The following RARB variants were observed in gnomAD, a reference collection of about 807,000 sequenced individuals.
RARB encodes HBV-activated protein.
RARB carries 17 observed loss-of-function variants against 51.9 expected under a neutral mutation model. That is an observed-to-expected ratio of 0.33 (90% CI 0.22 to 0.49). RARB has a LOEUF of 0.49. RARB is among the 20% of genes least tolerant of loss of function. The pLI, the probability that RARB is intolerant of heterozygous loss-of-function variation, is 0.99. For missense variants in RARB, 369 were observed against 550.8 expected, an observed-to-expected ratio of 0.67 and a Z score of 3.30; for synonymous variants, 215 against 195.4, an observed-to-expected ratio of 1.10 and a Z score of -0.84.
At chr3:25,222,204 T>G (rs564145592) in intron 5 of RARB, among the ~76,000 whole-genome samples, 5 of 152,318 alleles carry the variant, frequency 3.3e-5, no homozygotes, top group Admixed American at 2.6e-4. Context: ...GGCAGATATA[T>G]GATGACTGCA....
chr3:25,135,547 GTGT>G (rs1559479154), intron 4 of RARB, among the ~76,000 whole-genome samples: 2 of 151,982 alleles, frequency 1.3e-5, no homozygotes, highest in African/African-American at 4.8e-5. Flanking sequence ...TAATGTCAAA[GTGT>G]TGTTCTCAGC....
chr3:24,913,206 G>C (rs140502250), intron 2 of RARB, among the ~76,000 whole-genome samples: 4 of 151,298 alleles, frequency 2.6e-5, no homozygotes, highest in South Asian at 2.1e-4. Context: ...CGATGGTCTC[G>C]ATCTCCTGAC....
chr3:25,024,417 A>G (rs985885499), intron 2 of RARB, among the ~76,000 whole-genome samples: 9 of 152,346 alleles, frequency 5.9e-5, no homozygotes, highest in South Asian at 4.1e-4. Context: ...TCTAATTCAT[A>G]TAAACTGACA....
chr3:24,880,202 AT>A (rs1329512881), intron 2 of RARB, among the ~76,000 whole-genome samples: 41 of 147,330 alleles, frequency 2.8e-4, no homozygotes, highest in African/African-American at 6.2e-4. Context: ...TGGCAACTGC[AT>A]TTTTTTTTTC....
chr3:24,878,124 G>T (rs1240527106), intron 2 of RARB, among the ~76,000 whole-genome samples: 1 of 151,992 alleles, frequency 6.6e-6, no homozygotes, highest in Non-Finnish European at 1.5e-5. Context: ...GAATTGTGTT[G>T]TCTTAATGAA....
At chr3:25,336,821 A>G (rs761260766) in intron 5 of RARB, among the ~76,000 whole-genome samples, 1 of 152,090 alleles carries the variant, frequency 6.6e-6, no homozygotes, top group East Asian at 1.9e-4. Flanking sequence ...TATGTTCAGG[A>G]TGAGAGAGTG....
chr3:25,168,091 T>C (rs1700587355), intron 4 of RARB, among the ~76,000 whole-genome samples: 1 of 152,172 alleles, frequency 6.6e-6, no homozygotes, highest in South Asian at 2.1e-4. Flanking sequence ...GACTAGAGAA[T>C]TTGGCAGACA....
intron 5 of RARB, among the ~76,000 whole-genome samples, chr3:25,274,316 A>G (rs1703326435): frequency 6.6e-6 from 1 of 152,200 alleles, no homozygotes; most frequent in African/African-American, 2.4e-5. Context: ...GGGACCGTTC[A>G]AGTGCTCAGC....
At chr3:25,418,841 A>C (rs912179363) in intron 5 of RARB, among the ~76,000 whole-genome samples, 2 of 152,080 alleles carry the variant, frequency 1.3e-5, no homozygotes, top group African/African-American at 4.8e-5. Context: ...AGTTAGGGTG[A>C]TAAGATAACA....
intron 2 of RARB, among the ~76,000 whole-genome samples, chr3:25,023,004 A>C (rs1325759295): frequency 6.6e-6 from 1 of 152,158 alleles, no homozygotes; most frequent in African/African-American, 2.4e-5. Flanking sequence ...TGCCCAAATC[A>C]CTTTAGCTGC....
chr3:25,022,516 A>G (rs1697659421), intron 2 of RARB, among the ~76,000 whole-genome samples: 1 of 152,194 alleles, frequency 6.6e-6, no homozygotes, highest in Non-Finnish European at 1.5e-5. Flanking sequence ...ACTCTGGTCA[A>G]ACTATTCCAA....
rs569346842 is a variant in RARB at position 25,320,100 on chromosome 3, G to A, written c.179-141093G>A. ...TGCATCAGTCTAGACCAAGGCAAGC[G>A]CTGCTAAGGAACCTCTGACCCCAAA... On this transcript the variant is annotated intron_variant, in intron 5 of 11. Coordinates refer to the RARB transcript ENST00000383772. 1.0e-4 allele frequency among the ~76,000 whole-genome samples: 15 copies of A among 150,706 alleles called. No homozygotes were observed. The East Asian group carries it at 1.8e-3, about 18-fold the overall frequency.
intron 2 of RARB, among the ~76,000 whole-genome samples, chr3:24,981,502 T>TC (rs555924710): frequency 1.5e-4 from 23 of 151,800 alleles, no homozygotes; most frequent in African/African-American, 5.6e-4. Context: ...TGGACGCCCC[T>TC]CCCCCCACCA....
At chr3:25,203,365 C>G (rs564139608) in intron 5 of RARB, among the ~76,000 whole-genome samples, 2 of 152,240 alleles carry the variant, frequency 1.3e-5, no homozygotes, top group Admixed American at 6.5e-5. Context: ...AGGACACTGA[C>G]AGGTCTTGAC....
Position 25,217,868 on chromosome 3 carries a change from C to A in RARB, c.178+43293C>A, listed in dbSNP as rs977845284. 1.4e-4 allele frequency among the ~76,000 whole-genome samples: 21 copies of A among 152,190 alleles called. No homozygotes were observed. The East Asian group carries it at 4.1e-3, about 30-fold the overall frequency. On this transcript the variant is annotated intron_variant, in intron 5 of 11. Coordinates refer to the RARB transcript ENST00000383772. ...AACCCTAAAGGCAATGAGTTCTAGACCTAGCCATAGGCAAACTTATGAGAA... is the reference window on the plus strand; with the variant it reads ...AACCCTAAAGGCAATGAGTTCTAGAACTAGCCATAGGCAAACTTATGAGAA...
At chr3:25,356,070 T>A (rs910388776) in intron 5 of RARB, among the ~76,000 whole-genome samples, 11 of 152,178 alleles carry the variant, frequency 7.2e-5, no homozygotes, top group Non-Finnish European at 1.5e-4. Flanking sequence ...AGATCGCTGA[T>A]TACAAGATCT....
At chr3:25,078,849 G>A (rs1698931030) in intron 3 of RARB, among the ~76,000 whole-genome samples, 1 of 151,960 alleles carries the variant, frequency 6.6e-6, no homozygotes, top group Admixed American at 6.6e-5. Flanking sequence ...TATTTCTATT[G>A]TATTATTATT....
At chr3:24,861,778 C>T (rs1702753326) in intron 2 of RARB, among the ~76,000 whole-genome samples, 1 of 152,152 alleles carries the variant, frequency 6.6e-6, no homozygotes, top group African/African-American at 2.4e-5. Flanking sequence ...GAAAACTGCA[C>T]TGTAACTGAT....
At chr3:25,079,555 C>A (rs1698949086) in intron 3 of RARB, among the ~76,000 whole-genome samples, 1 of 152,112 alleles carries the variant, frequency 6.6e-6, no homozygotes, top group African/African-American at 2.4e-5. Flanking sequence ...TAAGAGGGTT[C>A]CCTCTCAATT....
Sources: allele counts gnomAD v4.1 joint callset (sites outside exome capture counted in the v4.1 genomes callset), GRCh38; gene constraint gnomAD v4.1.1; transcripts MANE v1.5; gene names NCBI Gene and HGNC (gene_info 2026-07-23, HGNC 2026-07-21).